Variants in CHD9NB observed in about 807,000 individuals in gnomAD.
CHD9NB encodes the protein CHD9 neighbor protein.
the CHD9NB span, among the ~76,000 whole-genome samples, chr16:53,037,918 A>G: frequency 6.6e-6 from 1 of 152,200 alleles, no homozygotes; most frequent in East Asian, 1.9e-4. Flanking sequence ...ATCGAGATAT[A>G]TAAGGGGAGA....
the CHD9NB span, among the ~76,000 whole-genome samples, chr16:53,039,483 C>T: frequency 2.6e-5 from 4 of 152,292 alleles, no homozygotes; most frequent in African/African-American, 7.2e-5. Flanking sequence ...CAGTGGCTCA[C>T]GCCTGTAATC....
At chr16:53,045,392 CT>C in the CHD9NB span, among the ~76,000 whole-genome samples, 9 of 152,186 alleles carry the variant, frequency 5.9e-5, no homozygotes, top group African/African-American at 2.2e-4. Context: ...GTTTTTGCAG[CT>C]GTGAGCAATC....
the CHD9NB span, among the ~76,000 whole-genome samples, chr16:53,050,619 C>T: frequency 1.3e-5 from 2 of 152,192 alleles, no homozygotes; most frequent in African/African-American, 4.8e-5. Flanking sequence ...TTTGCAGGTA[C>T]AATCCAGGAC....
the CHD9NB span, among the ~76,000 whole-genome samples, chr16:53,046,265 C>G: frequency 2.6e-5 from 4 of 152,046 alleles, no homozygotes; most frequent in Non-Finnish European, 5.9e-5. Flanking sequence ...GCCCAAGAGA[C>G]AAGCAGCAGG....
At chr16:53,047,813 C>A in the CHD9NB span, among the ~76,000 whole-genome samples, 1 of 152,028 alleles carries the variant, frequency 6.6e-6, no homozygotes, top group Non-Finnish European at 1.5e-5. Context: ...GTCTGGTCAA[C>A]AGGGTGAAAC....
chr16:53,042,551 C>T, the CHD9NB span, among the ~76,000 whole-genome samples: 8 of 149,954 alleles, frequency 5.3e-5, no homozygotes, highest in Admixed American at 2.7e-4. Context: ...CCTTCCCTCC[C>T]TCCCTTCTCC....
the CHD9NB span, among the ~76,000 whole-genome samples, chr16:53,042,177 T>C: frequency 2.0e-5 from 3 of 151,476 alleles, no homozygotes; most frequent in Admixed American, 1.3e-4. Context: ...CCTCCCTGCC[T>C]CATCCCTCAT....
At chr16:53,052,078 C>A in the CHD9NB span, among the ~76,000 whole-genome samples, 1 of 151,322 alleles carries the variant, frequency 6.6e-6, no homozygotes, top group African/African-American at 2.4e-5. Flanking sequence ...AATTGTCAAT[C>A]TAAAATCCTT....
the CHD9NB span, among the ~76,000 whole-genome samples, chr16:53,036,592 T>C: frequency 6.6e-6 from 1 of 152,184 alleles, no homozygotes; most frequent in Non-Finnish European, 1.5e-5. Context: ...CAGAGGGCAC[T>C]GAAGTGTGGT....
the CHD9NB span, among the ~76,000 whole-genome samples, chr16:53,047,764 G>A: frequency 4.2e-4 from 64 of 152,252 alleles, no homozygotes; most frequent in African/African-American, 1.4e-3. Flanking sequence ...TTGGGAGGCC[G>A]AGGTGGGTGG....
the CHD9NB span, chr16:53,044,010 G>C: frequency 2.5e-6 from 1 of 398,834 alleles, no homozygotes; most frequent in Non-Finnish European, 4.4e-6. Context: ...TCAGCTCTTT[G>C]GCTCAGGGGT....
the CHD9NB span, among the ~76,000 whole-genome samples, chr16:53,051,774 T>TATAC: frequency 4.3e-5 from 1 of 23,514 alleles, no homozygotes; most frequent in Non-Finnish European, 1.8e-4. Context: ...TATAAATATA[T>TATAC]ATATATATAT....
chr16:53,049,864 A>T, the CHD9NB span, among the ~76,000 whole-genome samples: 1 of 152,178 alleles, frequency 6.6e-6, no homozygotes, highest in Non-Finnish European at 1.5e-5. Context: ...AAGTTGCTTA[A>T]CATTTTTGAC....
At chr16:53,036,861 G>A in the CHD9NB span, among the ~76,000 whole-genome samples, 1 of 152,150 alleles carries the variant, frequency 6.6e-6, no homozygotes. Context: ...AAACCTGACT[G>A]TAACCTGGGC....
At chr16:53,047,006 A>AC in the CHD9NB span, among the ~76,000 whole-genome samples, 1 of 152,204 alleles carries the variant, frequency 6.6e-6, no homozygotes, top group Non-Finnish European at 1.5e-5. Context: ...TATGACCAAA[A>AC]GAAAGGCAAG....
the CHD9NB span, chr16:53,047,115 C>G: frequency 6.6e-6 from 1 of 152,174 alleles, no homozygotes; most frequent in Non-Finnish European, 1.5e-5. Flanking sequence ...TAGACATTAC[C>G]ACCCACAAAA....
the CHD9NB span, among the ~76,000 whole-genome samples, chr16:53,048,527 T>C: frequency 6.6e-6 from 1 of 152,250 alleles, no homozygotes; most frequent in Non-Finnish European, 1.5e-5. Context: ...CTAGTCCTAG[T>C]ACTCGAGATC....
the CHD9NB span, among the ~76,000 whole-genome samples, chr16:53,040,604 G>A: frequency 2.0e-5 from 3 of 152,064 alleles, no homozygotes; most frequent in Admixed American, 6.6e-5. Context: ...TGTTCCAGGC[G>A]GTACTCCCAC....
the CHD9NB span, among the ~76,000 whole-genome samples, chr16:53,050,810 T>C: frequency 1.3e-5 from 2 of 152,088 alleles, no homozygotes; most frequent in Non-Finnish European, 2.9e-5. Context: ...CGCCTTCTGC[T>C]GGGGACCTGA....
Sources: allele counts gnomAD v4.1 joint callset (sites outside exome capture counted in the v4.1 genomes callset), GRCh38; gene constraint gnomAD v4.1.1; transcripts MANE v1.5; gene names NCBI Gene and HGNC (gene_info 2026-07-23, HGNC 2026-07-21).